The following SMYD3 variants were observed in gnomAD, a reference collection of about 807,000 sequenced individuals.
SMYD3 encodes histone-lysine N-methyltransferase SMYD3.
In SMYD3, 36 loss-of-function variants were observed where a neutral mutation model predicts 57.7. The observed-to-expected ratio is 0.62, with a 90% CI of 0.48 to 0.82. The LOEUF (loss-of-function observed/expected upper bound fraction) is 0.82. Among genes scored for constraint, SMYD3 ranks in the 40% least tolerant of loss-of-function variants. SMYD3 has a pLI of 0.00. For missense variants in SMYD3, 515 were observed against 538.8 expected (o/e 0.96, Z 0.44); for synonymous variants, 211 against 195.0 (o/e 1.08, Z -0.68).
chr1:245,753,059 C>T (rs2045459796), intron 11 of SMYD3, among the ~76,000 whole-genome samples: 1 of 152,164 alleles, frequency 6.6e-6, no homozygotes, highest in Admixed American at 6.5e-5. Context: ...TGTCAAGATG[C>T]TGCTGGTCAT....
intron 5 of SMYD3, among the ~76,000 whole-genome samples, chr1:246,093,319 A>G (rs1329868446): frequency 2.0e-5 from 3 of 152,222 alleles, no homozygotes; most frequent in Non-Finnish European, 4.4e-5. Context: ...CTGCACTCTC[A>G]TGTTTATCAC....
At chr1:246,158,709 G>C (rs1223121870) in intron 5 of SMYD3, among the ~76,000 whole-genome samples, 1 of 151,954 alleles carries the variant, frequency 6.6e-6, no homozygotes, top group East Asian at 1.9e-4. Context: ...TAAATATAAA[G>C]GGATATAATC....
In SMYD3 at chr1:246,225,321, CAAAAAAAAAAAAAA is replaced by C. The variant is rs60915002; in HGVS notation, c.531+101866_531+101879del. ...GTTATGTGGAAGACTGCTGAAAAGT[CAAAAAAAAAAAAAA>C]AAAAAAAAAAAAAAAAAAAAAACAG... is the stretch of plus-strand genomic sequence containing the variant. On this transcript the variant is annotated intron_variant, in intron 5 of 11. Transcript: ENST00000490107. 8.7e-4 allele frequency among the ~76,000 whole-genome samples: 66 copies of C among 76,300 alleles called. 2 individuals carry two copies. Among genetic ancestry groups the C allele is most frequent in the South Asian group, 2.8e-3 (9 of 3,248 alleles). The allele number at this position is 76,300 out of a possible 152,430, so 50.1% of individuals were successfully genotyped here.
intron 5 of SMYD3, among the ~76,000 whole-genome samples, chr1:246,292,938 A>C (rs1446391239): frequency 1.3e-5 from 2 of 152,170 alleles, no homozygotes; most frequent in Non-Finnish European, 2.9e-5. Flanking sequence ...TGAAAACTGA[A>C]ACATGGGTTG....
At position 246,279,452 on chromosome 1, in the gene SMYD3, C is replaced by T. The variant is rs369666478; in HGVS notation, c.531+47749G>A. 4.8e-3 allele frequency among the ~76,000 whole-genome samples: 735 copies of T among 152,106 alleles called. 3 individuals carry two copies. The highest frequency in any genetic ancestry group is 0.015 in the South Asian group (74 of 4,810). ...AGGAGAATCACTTGAACCCGGGAGG[C>T]GGAGGTTGCAATGAGCCAAGATCAT... On this transcript the variant is annotated intron_variant, in intron 5 of 11. Transcript: ENST00000490107.
At chr1:245,948,543 G>C (rs558795553) in intron 5 of SMYD3, among the ~76,000 whole-genome samples, 1 of 152,248 alleles carries the variant, frequency 6.6e-6, no homozygotes, top group East Asian at 1.9e-4. Flanking sequence ...CTCCAGGGAG[G>C]GAGCTTGTGC....
At position 246,129,346 on chromosome 1, in the gene SMYD3, G is replaced by C. The variant is rs1198649797; in HGVS notation, c.531+197855C>G. On this transcript the variant is annotated intron_variant, in intron 5 of 11. Coordinates refer to ENST00000490107, the MANE Select transcript of SMYD3 (RefSeq NM_001167740.2). ...GTTGACTTAACACCTTTACAACAAT[G>C]AAAGATTTACACCTAAACATTACAT... Among the ~76,000 whole-genome samples, 3 of 151,262 alleles carry C rather than the reference G, an allele frequency of 2.0e-5. No homozygotes were observed. The South Asian group carries it at 6.3e-4, about 32-fold the overall frequency.
intron 5 of SMYD3, among the ~76,000 whole-genome samples, chr1:246,051,161 C>G (rs1302360332): frequency 6.6e-6 from 1 of 150,404 alleles, no homozygotes; most frequent in Non-Finnish European, 1.5e-5. Context: ...GACAAGGTCC[C>G]ACTCTGCCAC....
intron 5 of SMYD3, among the ~76,000 whole-genome samples, chr1:246,170,282 A>C (rs936870138): frequency 3.3e-5 from 5 of 152,098 alleles, no homozygotes; most frequent in Non-Finnish European, 7.4e-5. Context: ...GATATATATT[A>C]TGTATGAAAT....
At chr1:245,866,767 C>G (rs1006895147) in intron 8 of SMYD3, among the ~76,000 whole-genome samples, 6 of 152,050 alleles carry the variant, frequency 3.9e-5, no homozygotes, top group Admixed American at 1.3e-4. Flanking sequence ...ACAACAGTCT[C>G]CCTTCAAATG....
chr1:245,853,679 C>T (rs1451338952), intron 10 of SMYD3, among the ~76,000 whole-genome samples: 2 of 151,978 alleles, frequency 1.3e-5, no homozygotes, highest in Admixed American at 1.3e-4. Flanking sequence ...ATGAGGAAAT[C>T]TCATAGTTTA....
chr1:245,953,386 A>G, intron 5 of SMYD3: 2 of 967,742 alleles, frequency 2.1e-6, no homozygotes, highest in Non-Finnish European at 2.5e-6. Context: ...GAAAAAGCAA[A>G]CATAAAGTAA....
intron 5 of SMYD3, among the ~76,000 whole-genome samples, chr1:246,233,733 CTCAA>C (rs1572252014): frequency 1.7e-5 from 2 of 114,606 alleles, no homozygotes; most frequent in South Asian, 3.2e-4. Context: ...AGAAGCACTC[CTCAA>C]TTCACACTGT....
intron 5 of SMYD3, among the ~76,000 whole-genome samples, chr1:246,088,559 G>A (rs6677587): frequency 0.69 from 91,728 of 133,862 alleles, 32,432 homozygotes; most frequent in Admixed American, 0.79. Context: ...GCAGTGAGCC[G>A]AGATCATGCC....
intron 5 of SMYD3, among the ~76,000 whole-genome samples, chr1:246,322,655 G>A (rs1022464379): frequency 6.6e-6 from 1 of 151,824 alleles, no homozygotes; most frequent in Admixed American, 6.6e-5. Flanking sequence ...ACCTTTCATT[G>A]CTCACACTTT....
chr1:245,869,226 G>A (rs1013837102), intron 8 of SMYD3, among the ~76,000 whole-genome samples: 7 of 152,120 alleles, frequency 4.6e-5, no homozygotes, highest in Admixed American at 2.0e-4. Context: ...TACTATTGCT[G>A]GATTTTCTAC....
chr1:245,812,745 AACTC>A (rs2048549907), intron 10 of SMYD3, among the ~76,000 whole-genome samples: 1 of 150,838 alleles, frequency 6.6e-6, no homozygotes, highest in Non-Finnish European at 1.5e-5. Context: ...GAGACAGAGA[AACTC>A]ACTCAGTAGC....
intron 5 of SMYD3, among the ~76,000 whole-genome samples, chr1:246,090,565 T>G (rs1226973568): frequency 6.7e-6 from 1 of 148,610 alleles, no homozygotes; most frequent in Non-Finnish European, 1.5e-5. Flanking sequence ...TCACCCAGGA[T>G]GGAATGCAGT....
rs532799273 is a variant in SMYD3 at position 246,236,333 on chromosome 1, C to T, written c.531+90868G>A. ...GCAGCCTCAACCTCCTGGGCTCAGGCAATCCTCCCGCCTCAGCCTCCCAGT... is the reference window on the plus strand; with the variant it reads ...GCAGCCTCAACCTCCTGGGCTCAGGTAATCCTCCCGCCTCAGCCTCCCAGT... On this transcript the variant is annotated intron_variant, in intron 5 of 11. Coordinates refer to ENST00000490107, the MANE Select transcript of SMYD3 (RefSeq NM_001167740.2). Among the ~76,000 whole-genome samples, 19 of 152,264 alleles carry T rather than the reference C, an allele frequency of 1.2e-4. No homozygotes were observed. In the East Asian group the frequency reaches 3.7e-3, roughly 29 times the overall value.
Sources: allele counts gnomAD v4.1 joint callset (sites outside exome capture counted in the v4.1 genomes callset), GRCh38; gene constraint gnomAD v4.1.1; transcripts MANE v1.5; gene names NCBI Gene and HGNC (gene_info 2026-07-23, HGNC 2026-07-21).